ZNF827: variants seen among roughly 807,000 people sequenced by gnomAD.
The protein encoded by ZNF827 is zinc finger protein 827.
In ZNF827, 13 loss-of-function variants were observed where a neutral mutation model predicts 102.4. The observed-to-expected ratio is 0.13, with a 90% confidence interval of 0.08 to 0.20. ZNF827 has a LOEUF of 0.20. Ranked by LOEUF, ZNF827 falls within the 10% of genes least tolerant of loss-of-function variation. The pLI is 1.00. For missense variants in ZNF827, 1,103 were observed against 1,344.4 expected, an observed-to-expected ratio of 0.82 and a Z score of 2.81; for synonymous variants, 523 against 536.2, an observed-to-expected ratio of 0.98 and a Z score of 0.34.
At chr4:145,922,736 T>C (rs1243149111) in intron 1 of ZNF827, among the ~76,000 whole-genome samples, 3 of 152,236 alleles carry the variant, frequency 2.0e-5, no homozygotes, top group Non-Finnish European at 4.4e-5. Context: ...TCCTTGAACA[T>C]CACTTTTAAT....
rs1553987120 is a variant in ZNF827 at position 145,800,008 on chromosome 4, T to TTTTACAGCC, written c.2384-20498_2384-20497insGGCTGTAAA. On this transcript the variant is annotated intron_variant, in intron 8 of 14. Coordinates refer to ENST00000508784, the MANE Select transcript of ZNF827 (RefSeq NM_001306215.2). ...AAGCCATTGCTATTTTGGCCTTTTT[T>TTTTACAGCC]TTACAGCCATCAAAATTTTATCACA... is the stretch of plus-strand genomic sequence containing the variant. Among the ~76,000 whole-genome samples the TTTTACAGCC allele has an allele frequency of 4.5e-4, 68 of 151,820 alleles. 1 individual carries two copies. The highest frequency in any genetic ancestry group is 1.5e-3 in the African/African-American group (63 of 41,364).
intron 7 of ZNF827, among the ~76,000 whole-genome samples, chr4:145,837,770 T>A (rs1200914625): frequency 6.6e-6 from 1 of 152,170 alleles, no homozygotes; most frequent in Non-Finnish European, 1.5e-5. Flanking sequence ...CCTTCTGTTA[T>A]TCCATTTAGC....
At chr4:145,837,164 A>T (rs1212574553) in intron 7 of ZNF827, among the ~76,000 whole-genome samples, 1 of 152,188 alleles carries the variant, frequency 6.6e-6, no homozygotes, top group African/African-American at 2.4e-5. Flanking sequence ...ACGAGCCTTT[A>T]TTAGTCAAAT....
chr4:145,920,329 C>T (rs1304225860), intron 1 of ZNF827, among the ~76,000 whole-genome samples: 1 of 152,200 alleles, frequency 6.6e-6, no homozygotes, highest in African/African-American at 2.4e-5. Context: ...ACGGTCTTGG[C>T]ACAGTTTGAG....
intron 5 of ZNF827, among the ~76,000 whole-genome samples, chr4:145,858,601 C>T (rs1056572322): frequency 2.0e-5 from 3 of 147,966 alleles, no homozygotes; most frequent in African/African-American, 7.5e-5. Context: ...GTAATTGTGC[C>T]ACTACACTCC....
chr4:145,879,111 G>T (rs1468782470), intron 4 of ZNF827, among the ~76,000 whole-genome samples: 1 of 151,912 alleles, frequency 6.6e-6, no homozygotes, highest in Non-Finnish European at 1.5e-5. Context: ...AAGACAGTTT[G>T]CTCAACTGAG....
chr4:145,888,140 A>C (rs1187593852), intron 3 of ZNF827, among the ~76,000 whole-genome samples: 2 of 152,330 alleles, frequency 1.3e-5, no homozygotes, highest in South Asian at 2.1e-4. Context: ...AAATTAGTGA[A>C]GCTTTAAAGG....
At position 145,779,455 on chromosome 4, in the gene ZNF827, C is replaced by T. The variant is rs1249158830; in HGVS notation, c.2440G>A (p.Asp814Asn). 1.2e-6 allele frequency: 2 copies of T among 1,614,224 alleles called. No homozygotes were observed. The highest frequency in any genetic ancestry group is 2.2e-5 in the South Asian group (2 of 91,078). ...CACACGTCACAGGGAAAAAGCTGGT[C>T]ATTGAATTTCCAGGATGGTAATCCA... ...GNGLPSWKFN[D>N]QLFPCDVCGK... The change falls in exon 9 of 15, where the codon GAC (aspartate) becomes AAC (asparagine). Residue 814 changes from aspartate (D) to asparagine (N), a missense_variant. Asp to Asn is a conservative substitution (Grantham distance 23). This residue lies in a region of ZNF827 where 242 missense variants were observed against 361.9 expected (regional missense o/e 0.67). Coordinates refer to ENST00000508784, the MANE Select transcript of ZNF827 (RefSeq NM_001306215.2).
Position 145,761,022 on chromosome 4 carries a change from G to A in ZNF827, c.*594C>T, listed in dbSNP as rs1273674056. The stretch of plus-strand genomic sequence containing the variant: ...GTGCCAGGTTGGGCTCTGAGCTGCT[G>A]CCGTGGGCTGCCGACAGGGCCACGG... On this transcript the variant is annotated 3_prime_UTR_variant, in exon 15 of 15. Coordinates refer to ENST00000508784, the MANE Select transcript of ZNF827 (RefSeq NM_001306215.2). This position sits in a 1 kb window ranked among gnomAD's most constrained non-coding sequence, Gnocchi z 6.8. 2 of 1,281,234 alleles carry A rather than the reference G, an allele frequency of 1.6e-6. No homozygotes were observed. Among genetic ancestry groups the A allele is most frequent in the Non-Finnish European group, 1.0e-6 (1 of 983,366 alleles). The allele number at this position is 1,281,234 out of a possible 1,614,324, so 79.4% of individuals were successfully genotyped here. A position where few individuals can be genotyped will look rare whatever the true frequency, so the allele number is the denominator to read the frequency against.
rs76919228 is a variant in ZNF827 at position 145,923,737 on chromosome 4, T to C, written c.43+14628A>G. ...TCTCTTTTGGAAAATATATTTTTAT[T>C]AAAATATGCTATTTATAGTTAACAT... On this transcript the variant is annotated intron_variant, in intron 1 of 14. Coordinates refer to ENST00000508784, the MANE Select transcript of ZNF827 (RefSeq NM_001306215.2). 5.1e-3 allele frequency among the ~76,000 whole-genome samples: 781 copies of C among 152,354 alleles called. 6 individuals carry two copies. The highest frequency in any genetic ancestry group is 8.4e-3 in the Non-Finnish European group (571 of 68,030).
At chr4:145,875,003 AG>A (rs1749031692) in intron 4 of ZNF827, among the ~76,000 whole-genome samples, 1 of 152,228 alleles carries the variant, frequency 6.6e-6, no homozygotes. Flanking sequence ...AATGTGGGAA[AG>A]GAATGGGAAA....
chr4:145,826,335 A>G (rs767144421), intron 7 of ZNF827, among the ~76,000 whole-genome samples: 20 of 152,368 alleles, frequency 1.3e-4, no homozygotes, highest in Non-Finnish European at 2.9e-5. Context: ...TTCTCAGTAC[A>G]TAGTACATGC....
At chr4:145,911,298 C>CTA (rs1311365343) in intron 1 of ZNF827, among the ~76,000 whole-genome samples, 3 of 152,174 alleles carry the variant, frequency 2.0e-5, no homozygotes, top group African/African-American at 7.2e-5. Context: ...GCATTCCACT[C>CTA]TATAAACAGC....
intron 4 of ZNF827, among the ~76,000 whole-genome samples, chr4:145,883,990 A>G (rs368761407): frequency 6.6e-6 from 1 of 152,340 alleles, no homozygotes; most frequent in East Asian, 1.9e-4. Flanking sequence ...ATTTTTAAAT[A>G]TAAAACTCAA....
intron 7 of ZNF827, among the ~76,000 whole-genome samples, chr4:145,840,671 CTTT>C (rs1378674625): frequency 6.6e-6 from 1 of 152,120 alleles, no homozygotes; most frequent in Non-Finnish European, 1.5e-5. Flanking sequence ...TAATATTTTA[CTTT>C]TTAAGGTAAT....
Position 145,870,426 on chromosome 4 carries a change from A to G in ZNF827, c.1800T>C (p.Pro600=), listed in dbSNP as rs773093898. The G allele has an allele frequency of 6.2e-7, 1 of 1,614,004 alleles. No individual in the cohort carries two copies. The highest frequency in any genetic ancestry group is 1.6e-4 in the Middle Eastern group (1 of 6,062). The change falls in exon 5 of 15, where the codon CCT becomes CCC. Residue 600 remains proline, a synonymous_variant. Transcript: ENST00000508784. ...TCGTGCTTAGGGACTCCCCTTCCTT[A>G]GGCTCCTCTTTCACTTTAAAATTAA... is the stretch of plus-strand genomic sequence containing the variant. ...MNLNFKVKEE[P]KEGESLSTTL...
chr4:145,905,527 A>G (rs1751782487), intron 1 of ZNF827, among the ~76,000 whole-genome samples: 1 of 152,232 alleles, frequency 6.6e-6, no homozygotes, highest in Non-Finnish European at 1.5e-5. Context: ...GTTCTTTGTG[A>G]TCTGCCACAT....
At chr4:145,853,897 C>G (rs777435397) in intron 5 of ZNF827, among the ~76,000 whole-genome samples, 1 of 150,966 alleles carries the variant, frequency 6.6e-6, no homozygotes, top group African/African-American at 2.4e-5. Context: ...CCTGGGAGGT[C>G]GAGGCTGCAG....
chr4:145,830,570 ATTTTCT>A (rs1213687429), intron 7 of ZNF827: 20 of 152,052 alleles, frequency 1.3e-4, no homozygotes, highest in Admixed American at 6.5e-5. Flanking sequence ...ACTTTTAGTG[ATTTTCT>A]TTTTCTCAAC....
Sources: allele counts gnomAD v4.1 joint callset (sites outside exome capture counted in the v4.1 genomes callset), GRCh38; gene constraint gnomAD v4.1.1; regional missense constraint gnomAD v4.1.1; non-coding constraint Gnocchi (gnomAD v3.1); transcripts MANE v1.5; gene names NCBI Gene and HGNC (gene_info 2026-07-23, HGNC 2026-07-21).